Variants in MAP3K13 observed in about 807,000 individuals in gnomAD.
MAP3K13 encodes the protein leucine zipper-bearing kinase.
MAP3K13 carries 52 observed loss-of-function variants against 104.0 expected under a neutral mutation model. That is an observed-to-expected ratio of 0.50 (90% CI 0.40 to 0.63). MAP3K13 has a LOEUF of 0.63. Ranked by LOEUF, MAP3K13 falls within the 20% of genes least tolerant of loss-of-function variation. MAP3K13 has a pLI of 0.00. For missense variants in MAP3K13, 914 were observed against 1,218.5 expected (o/e 0.75, Z 3.72); for synonymous variants, 394 against 442.2 (o/e 0.89, Z 1.37).
intron 7 of MAP3K13, among the ~76,000 whole-genome samples, chr3:185,458,154 A>G (rs1004440433): frequency 6.6e-6 from 1 of 152,102 alleles, no homozygotes; most frequent in Non-Finnish European, 1.5e-5. Flanking sequence ...GGATCATTTG[A>G]GGTCAGGAGT....
intron 7 of MAP3K13, among the ~76,000 whole-genome samples, chr3:185,455,151 G>GATATATATGACATATATGAGAT (rs1716390286): frequency 2.0e-5 from 1 of 49,556 alleles, no homozygotes. Context: ...ATATATGTGA[G>GATATATATGACATATATGAGAT]ATATATATGA....
At chr3:185,432,750 T>C (rs1714820430) in intron 2 of MAP3K13, among the ~76,000 whole-genome samples, 1 of 152,232 alleles carries the variant, frequency 6.6e-6, no homozygotes. Context: ...TAAACTAGTA[T>C]TTAATTTGTT....
At chr3:185,412,892 T>A (rs979429914) in intron 1 of MAP3K13, among the ~76,000 whole-genome samples, 1 of 152,214 alleles carries the variant, frequency 6.6e-6, no homozygotes, top group Non-Finnish European at 1.5e-5. Context: ...TATTCACCTT[T>A]TCCTCCATTA....
At chr3:185,398,702 G>C (rs531663260) in intron 1 of MAP3K13, among the ~76,000 whole-genome samples, 7 of 152,352 alleles carry the variant, frequency 4.6e-5, no homozygotes, top group Admixed American at 2.6e-4. Flanking sequence ...AGGCACACAG[G>C]AAAGATTTGC....
rs1047244111 is a variant in MAP3K13, at chr3:185,418,906, C to A, written c.-85-9591C>A. On this transcript the variant is annotated intron_variant, in intron 1 of 13. Coordinates refer to ENST00000265026, the MANE Select transcript of MAP3K13 (RefSeq NM_004721.5). The surrounding 1 kb of genome is among the most constrained non-coding windows in gnomAD (Gnocchi z 4.5). ...ATGATCATTCTGCCTTTTCTAGAAT[C>A]AAATGTGAATCTCATTAGTAGAAAA... 8 of 1,035,198 alleles carry A rather than the reference C, an allele frequency of 7.7e-6. No individual in the cohort carries two copies. The highest frequency in any genetic ancestry group is 1.1e-5 in the Non-Finnish European group (8 of 730,216). 64.1% of individuals were successfully genotyped at this position (1,035,198 alleles called of 1,614,324 possible). A position where few individuals can be genotyped will look rare whatever the true frequency, so the allele number is the denominator to read the frequency against.
chr3:185,381,471 A>C (rs1724718430), intron 1 of MAP3K13, among the ~76,000 whole-genome samples: 1 of 152,236 alleles, frequency 6.6e-6, no homozygotes, highest in African/African-American at 2.4e-5. Context: ...GCAGACATGC[A>C]CACAACAGCA....
At chr3:185,446,078 A>G (rs1022675151) in intron 4 of MAP3K13, among the ~76,000 whole-genome samples, 3 of 152,164 alleles carry the variant, frequency 2.0e-5, no homozygotes, top group Non-Finnish European at 4.4e-5. Context: ...GGAGGATGGT[A>G]TTCAAAAGCA....
intron 4 of MAP3K13, among the ~76,000 whole-genome samples, chr3:185,444,524 C>A (rs1715495387): frequency 6.6e-6 from 1 of 152,038 alleles, no homozygotes; most frequent in African/African-American, 2.4e-5. Flanking sequence ...TTACAAGGTT[C>A]ACAATGGCCA....
intron 11 of MAP3K13, among the ~76,000 whole-genome samples, chr3:185,474,874 A>T (rs1291668764): frequency 6.6e-6 from 1 of 152,042 alleles, no homozygotes; most frequent in Non-Finnish European, 1.5e-5. Flanking sequence ...AGGCAGGTGG[A>T]TCATGAGGTC....
At position 185,484,998 on chromosome 3, in the gene MAP3K13, T is replaced by A. The variant is rs1311955942; in HGVS notation, c.*2542T>A. On this transcript the variant is annotated 3_prime_UTR_variant, in exon 14 of 14. Coordinates refer to ENST00000265026, the MANE Select transcript of MAP3K13 (RefSeq NM_004721.5). ...TGTACAACAATCATCTGAGGACGCA[T>A]GTTCTGCCCTGAAGCCCAATGGATA... is the stretch of plus-strand genomic sequence containing the variant. 3 of 152,174 alleles carry A rather than the reference T, an allele frequency of 2.0e-5. No homozygotes were observed. Among genetic ancestry groups the A allele is most frequent in the Non-Finnish European group, 4.4e-5 (3 of 68,032 alleles). 9.4% of individuals were successfully genotyped at this position (152,174 alleles called of 1,614,324 possible).
chr3:185,296,786 T>G (rs763625826), intron 2 of MAP3K13, among the ~76,000 whole-genome samples: 2 of 152,224 alleles, frequency 1.3e-5, no homozygotes, highest in Non-Finnish European at 2.9e-5. Context: ...GCCCAAATTA[T>G]GAGGACTTAA....
rs78099953 is a variant in MAP3K13 at position 185,472,843 on chromosome 3, C to T, written c.1644-132C>T. On this transcript the variant is annotated intron_variant, in intron 10 of 13. Transcript: ENST00000265026. ...ATGAACATTTTGAAGACCCCTCATA[C>T]GTTATCTCTATTGGATAAATCCTGA... 2,962 of 836,406 alleles carry T rather than the reference C, an allele frequency of 3.5e-3. 91 individuals carry two copies. In the East Asian group the frequency reaches 0.055, roughly 16 times the overall value. The allele number at this position is 836,406 out of a possible 1,614,324, so 51.8% of individuals were successfully genotyped here.
intron 2 of MAP3K13, among the ~76,000 whole-genome samples, chr3:185,342,958 G>A (rs2108722334): frequency 6.6e-6 from 1 of 152,156 alleles, no homozygotes; most frequent in East Asian, 1.9e-4. Context: ...GGGTGTGGTT[G>A]TAGTACCGAG....
At chr3:185,442,439 T>C (rs1222369617) in intron 3 of MAP3K13, among the ~76,000 whole-genome samples, 1 of 152,188 alleles carries the variant, frequency 6.6e-6, no homozygotes. Context: ...GCAAATAATA[T>C]TAAAAGTAGA....
intron 1 of MAP3K13, among the ~76,000 whole-genome samples, chr3:185,415,573 A>ATTTTTTTTTTTTTTTTTTTTT (rs34633048): frequency 8.4e-6 from 1 of 119,452 alleles, no homozygotes; most frequent in Non-Finnish European, 1.7e-5. Context: ...AGAAGGGTTA[A>ATTTTTTTTTTTTTTTTTTTTT]TTTCTTTTTT....
At chr3:185,367,109 A>C (rs758531738) in intron 1 of MAP3K13, among the ~76,000 whole-genome samples, 2 of 152,192 alleles carry the variant, frequency 1.3e-5, no homozygotes, top group Admixed American at 6.5e-5. Context: ...TGTGTGTGCT[A>C]TAAAGACAGG....
At chr3:185,410,520 G>T (rs546602563) in intron 1 of MAP3K13, among the ~76,000 whole-genome samples, 1 of 152,212 alleles carries the variant, frequency 6.6e-6, no homozygotes, top group East Asian at 1.9e-4. Context: ...CACAAAAAAA[G>T]ATAAATGTTC....
intron 9 of MAP3K13, 52 bp downstream of exon 9, chr3:185,465,915 C>A: frequency 1.7e-6 from 2 of 1,207,566 alleles, no homozygotes; most frequent in African/African-American, 1.5e-5. Flanking sequence ...TGTCAATCAG[C>A]AGAAACATAC....
chr3:185,307,505 A>T, intron 2 of MAP3K13, among the ~76,000 whole-genome samples: 1 of 145,624 alleles, frequency 6.9e-6, no homozygotes, highest in African/African-American at 2.7e-5. Flanking sequence ...ATTCAGTTTT[A>T]TATTCTTCAG....
Sources: gnomAD v4.1 joint callset for allele counts (sites outside exome capture counted in the v4.1 genomes callset) on GRCh38, gnomAD v4.1.1 for gene constraint, Gnocchi (gnomAD v3.1) non-coding constraint, MANE v1.5 for transcripts, NCBI Gene and HGNC (gene_info 2026-07-23, HGNC 2026-07-21) for gene names.